ZNF462: variants seen among roughly 807,000 people sequenced by gnomAD.
ZNF462 encodes the protein zinc finger PBX1-interacting protein.
A neutral mutation model predicts 201.9 loss-of-function variants in ZNF462; 10 were observed. That is an observed-to-expected ratio of 0.05 (90% CI 0.03 to 0.08). The LOEUF is 0.08. Among genes scored for constraint, ZNF462 ranks in the 10% least tolerant of loss-of-function variants. The probability of loss-of-function intolerance (pLI) is 1.00; values close to 1 mark genes in which losing one functional copy is unlikely to be tolerated. For missense variants in ZNF462, 2,523 were observed against 3,168.3 expected (o/e 0.80, Z 4.89); for synonymous variants, 1,227 against 1,193.3 (o/e 1.03, Z -0.58).
At chr9:106,975,387 A>C (rs1826921919) in intron 9 of ZNF462, 1 of 152,138 alleles carries the variant, frequency 6.6e-6, no homozygotes. Flanking sequence ...CACACCTCAC[A>C]TTGCCCCTGA....
chr9:106,879,682 G>T (rs1016234241), intron 1 of ZNF462, among the ~76,000 whole-genome samples: 1 of 152,118 alleles, frequency 6.6e-6, no homozygotes, highest in African/African-American at 2.4e-5. Flanking sequence ...GCTGTAGTTG[G>T]TAGAAGCCTG....
In ZNF462 at chr9:106,930,661, A is replaced by G. The variant is rs74505324; in HGVS notation, c.5984A>G (p.Asn1995Ser). 2,588 of 1,614,140 alleles carry G rather than the reference A, an allele frequency of 1.6e-3. 25 individuals carry two copies. The African/African-American group carries it at 0.022, about 13-fold the overall frequency. ...NHLRKHVQYG[N>S]VPAVSAAVKG... ...CTCCGAAAGCACGTCCAGTATGGCA[A>G]TGTCCCAGCTGTGTCAGCTGCTGTG... The change falls in exon 4 of 13, where the codon AAT becomes AGT. Residue 1995 changes from asparagine (N) to serine (S), a missense_variant. Physicochemically the swap from Asn to Ser is conservative, Grantham distance 46. Coordinates refer to ENST00000277225, the MANE Select transcript of ZNF462 (RefSeq NM_021224.6). This position sits in a 1 kb window ranked among gnomAD's most constrained non-coding sequence, Gnocchi z 5.8.
intron 1 of ZNF462, among the ~76,000 whole-genome samples, chr9:106,901,803 A>AGG (rs1432775493): frequency 6.6e-6 from 1 of 152,182 alleles, no homozygotes; most frequent in African/African-American, 2.4e-5. Flanking sequence ...TATCAGTTCT[A>AGG]GGAGATTTCT....
At chr9:106,991,882 A>AC (rs61582463) in intron 10 of ZNF462, among the ~76,000 whole-genome samples, 2 of 146,876 alleles carry the variant, frequency 1.4e-5, no homozygotes, top group African/African-American at 5.0e-5. Context: ...ACACACACAC[A>AC]ACAATCAAAA....
intron 10 of ZNF462, among the ~76,000 whole-genome samples, chr9:106,991,838 C>CCA (rs774752725): frequency 0.024 from 3,071 of 128,192 alleles, 72 homozygotes; most frequent in East Asian, 0.12. Context: ...ACAGCACTCT[C>CCA]TACACACACA....
intron 1 of ZNF462, among the ~76,000 whole-genome samples, chr9:106,912,433 TC>T (rs1829591132): frequency 6.6e-6 from 1 of 152,210 alleles, no homozygotes; most frequent in Non-Finnish European, 1.5e-5. Flanking sequence ...TTTCAGTTAC[TC>T]TCCTGGGTGT....
chr9:106,973,262 A>T (rs909921009), intron 8 of ZNF462, among the ~76,000 whole-genome samples: 1 of 152,112 alleles, frequency 6.6e-6, no homozygotes, highest in African/African-American at 2.4e-5. Flanking sequence ...CTACTTCAAT[A>T]CATGCTTCAC....
chr9:106,939,151 G>C (rs1162672640), intron 7 of ZNF462, 44 bp downstream of exon 7: 1 of 1,477,068 alleles, frequency 6.8e-7, no homozygotes, highest in East Asian at 2.4e-5. Flanking sequence ...TCAGGGTTGA[G>C]GTGGGCTGGG....
upstream of ZNF462, among the ~76,000 whole-genome samples, chr9:106,862,278 T>G (rs1352051030): frequency 2.6e-5 from 4 of 152,306 alleles, no homozygotes; most frequent in African/African-American, 7.2e-5. The surrounding 1 kb of genome is among the most constrained non-coding windows in gnomAD (Gnocchi z 4.2). Flanking sequence ...ACGTATGTTC[T>G]TTGCAAAGGT....
At chr9:106,939,384 G>T (rs1830769456) in intron 7 of ZNF462, among the ~76,000 whole-genome samples, 1 of 152,154 alleles carries the variant, frequency 6.6e-6, no homozygotes, top group Non-Finnish European at 1.5e-5. Flanking sequence ...ATTAGTTTTG[G>T]ATCGTTCCAC....
intron 1 of ZNF462, among the ~76,000 whole-genome samples, chr9:106,894,211 A>G (rs1032802379): frequency 5.3e-5 from 8 of 152,226 alleles, no homozygotes; most frequent in Admixed American, 5.2e-4. Flanking sequence ...CCTCACTGCC[A>G]TACTGGGTGC....
upstream of ZNF462, chr9:106,862,986 G>C: frequency 2.5e-6 from 1 of 396,376 alleles, no homozygotes; most frequent in East Asian, 3.6e-5. The surrounding 1 kb of genome is among the most constrained non-coding windows in gnomAD (Gnocchi z 4.2). Context: ...TCTCCCCCTG[G>C]TTGCTCATTA....
chr9:107,003,238 A>G lies in ZNF462; in HGVS notation c.7057-56A>G, dbSNP rs1829326247. The G allele has an allele frequency of 1.9e-6, 3 of 1,600,418 alleles. No individual in the cohort carries two copies. Among genetic ancestry groups the G allele is most frequent in the Non-Finnish European group, 2.6e-6 (3 of 1,173,188 alleles). On this transcript the variant is annotated intron_variant, in intron 10 of 12. Transcript: ENST00000277225. The surrounding 1 kb of genome is among the most constrained non-coding windows in gnomAD (Gnocchi z 4.4). ...TGTTAGAAAGATCTCTCCATCAGGGAGAACCCCATTTGGTCTGCGGTTTAT... is the reference window on the plus strand; with the variant it reads ...TGTTAGAAAGATCTCTCCATCAGGGGGAACCCCATTTGGTCTGCGGTTTAT...
rs1192467272 is a variant in ZNF462, at chr9:106,864,109, T to TCC, written c.-31+756_-31+757dup. Among the ~76,000 whole-genome samples, 9 of 115,380 alleles carry TCC rather than the reference T, an allele frequency of 7.8e-5. 2 individuals are homozygous for TCC. Among genetic ancestry groups the TCC allele is most frequent in the African/African-American group, 3.3e-4 (9 of 27,182 alleles). The allele number at this position is 115,380 out of a possible 152,430, so 75.7% of individuals were successfully genotyped here. On this transcript the variant is annotated intron_variant, in intron 1 of 12. Coordinates refer to ENST00000277225, the MANE Select transcript of ZNF462 (RefSeq NM_021224.6). ...CTCTCTCTCTCTCTCTCTCTCTCTC[T>TCC]CCCTCTCCCCGAAGTTGGGATGCGG... is the stretch of plus-strand genomic sequence containing the variant.
At chr9:106,879,480 C>T (rs145571142) in intron 1 of ZNF462, among the ~76,000 whole-genome samples, 97 of 152,178 alleles carry the variant, frequency 6.4e-4, no homozygotes, top group Admixed American at 1.2e-3. Context: ...ACAGAGTAAA[C>T]CACATTCCAC....
At chr9:106,908,932 TATATATATA>T (rs1169117436) in intron 1 of ZNF462, among the ~76,000 whole-genome samples, 40 of 40,260 alleles carry the variant, frequency 9.9e-4, no homozygotes, top group Middle Eastern at 7.5e-3. Context: ...TATATATATA[TATATATATA>T]TTTTTTTTTT....
chr9:106,907,077 T>G (rs948318876), intron 1 of ZNF462, among the ~76,000 whole-genome samples: 1 of 152,192 alleles, frequency 6.6e-6, no homozygotes, highest in African/African-American at 2.4e-5. Flanking sequence ...TTTTCTTTTT[T>G]GACATTTTAA....
intron 7 of ZNF462, among the ~76,000 whole-genome samples, chr9:106,953,505 C>T (rs1831443970): frequency 6.6e-6 from 1 of 152,160 alleles, no homozygotes; most frequent in African/African-American, 2.4e-5. Flanking sequence ...GGGAAATTCT[C>T]TTCCCTTGGT....
rs373468152 is a variant in ZNF462, at chr9:106,926,068, A to T, written c.2156A>T (p.Asn719Ile). 8 of 1,614,236 alleles carry T rather than the reference A, an allele frequency of 5.0e-6. No homozygotes were observed. Among genetic ancestry groups the T allele is most frequent in the Non-Finnish European group, 5.9e-6 (7 of 1,180,054 alleles). ...AAACAGCAGGAAGATGCAGTGATCAATGTTGAGGATGATGAAGAGGAAGAG... is the reference window on the plus strand; with the variant it reads ...AAACAGCAGGAAGATGCAGTGATCATTGTTGAGGATGATGAAGAGGAAGAG... The part of the protein sequence containing the change: ...QTKQQEDAVI[N>I]VEDDEEEEED... Residue 719 changes from asparagine to isoleucine, a missense_variant, in exon 3 of 13, where the codon AAT becomes ATT. Asn to Ile is a moderately radical substitution (Grantham distance 149). Transcript: ENST00000277225. The surrounding 1 kb of genome is among the most constrained non-coding windows in gnomAD (Gnocchi z 7.9).
Sources: gnomAD v4.1 joint callset for allele counts (sites outside exome capture counted in the v4.1 genomes callset) on GRCh38, gnomAD v4.1.1 for gene constraint, Gnocchi (gnomAD v3.1) non-coding constraint, MANE v1.5 for transcripts, NCBI Gene and HGNC (gene_info 2026-07-23, HGNC 2026-07-21) for gene names.